Variants in RPL24 observed in about 807,000 individuals in gnomAD.
RPL24 encodes large ribosomal subunit protein eL24.
RPL24 carries 7 observed loss-of-function variants against 26.4 expected under a neutral mutation model. The observed-to-expected ratio is 0.27, with a 90% confidence interval of 0.15 to 0.50. The LOEUF (loss-of-function observed/expected upper bound fraction) is 0.50. Ranked by LOEUF, RPL24 falls within the 20% of genes least tolerant of loss-of-function variation. The pLI, the probability that RPL24 is intolerant of heterozygous loss-of-function variation, is 0.98. For missense variants in RPL24, 109 were observed against 194.9 expected (o/e 0.56, Z 2.62); for synonymous variants, 67 against 65.2 (o/e 1.03, Z -0.13).
intron 4 of RPL24, 37 bp downstream of exon 4, chr3:101,682,734 G>T: frequency 6.3e-7 from 1 of 1,599,046 alleles, no homozygotes; most frequent in Non-Finnish European, 8.5e-7. Flanking sequence ...AAATCCATCC[G>T]AATAGGTAAA....
rs973480658 is a variant in RPL24, at chr3:101,682,751, A to T, written c.329+20T>A. 2 of 1,609,492 alleles carry T rather than the reference A, an allele frequency of 1.2e-6. No homozygotes were observed. Among genetic ancestry groups the T allele is most frequent in the Non-Finnish European group, 1.7e-6 (2 of 1,178,010 alleles). ...ATCCATCCGAATAGGTAAAATGCTC[A>T]TAATGAAAGCATTCCTCACCTGATA... On this transcript the variant is annotated intron_variant, in intron 4 of 5. Coordinates refer to ENST00000394077, the MANE Select transcript of RPL24 (RefSeq NM_000986.4).
rs769575601 is a variant in RPL24 at position 101,686,500 on chromosome 3, G to A, written c.63C>T (p.Tyr21=). The part of the protein sequence containing the change: ...YKIYPGHGRR[Y]ARTDGKVFQF... ...TTTTTACCTTCCCGTCGGTCCTGGC[G>A]TAGCGCCTCCCGTGTCCGGGGTAGA... is the stretch of plus-strand genomic sequence containing the variant. The change falls in exon 2 of 6, where the codon TAC becomes TAT. Residue 21 remains tyrosine, a synonymous_variant. Transcript: ENST00000394077. 113 of 1,614,048 alleles carry A rather than the reference G, an allele frequency of 7.0e-5. No individual in the cohort carries two copies. The highest frequency in any genetic ancestry group is 9.2e-5 in the Non-Finnish European group (108 of 1,180,010).
chr3:101,684,776 C>CA lies in RPL24; in HGVS notation c.192+1041dup, dbSNP rs57278210. Among the ~76,000 whole-genome samples the CA allele has an allele frequency of 1.2e-3, 65 of 53,210 alleles. 12 individuals are homozygous for CA. Among genetic ancestry groups the CA allele is most frequent in the African/African-American group, 2.6e-3 (32 of 12,338 alleles). 34.9% of individuals were successfully genotyped at this position (53,210 alleles called of 152,430 possible). ...CTGAGCAACAGAGGACCTGTCTCCC[C>CA]AAAAAAAAAAAAAAAAAAAAAAAAA... is the stretch of plus-strand genomic sequence containing the variant. On this transcript the variant is annotated intron_variant, in intron 3 of 5. Transcript: ENST00000394077.
intron 4 of RPL24, 105 bp from the exon 5 acceptor site, chr3:101,682,597 C>T: frequency 1.8e-6 from 2 of 1,119,992 alleles, no homozygotes; most frequent in Non-Finnish European, 2.6e-6. Flanking sequence ...CATATTCCTT[C>T]CTTCCCTACC....
intron 3 of RPL24, among the ~76,000 whole-genome samples, chr3:101,684,936 C>T (rs993471059): frequency 6.6e-6 from 1 of 151,072 alleles, no homozygotes; most frequent in African/African-American, 2.4e-5. Context: ...CCTTGGCCTC[C>T]GGAGGAGCTA....
chr3:101,686,382 G>T, intron 2 of RPL24, 100 bp downstream of exon 2: 1 of 941,610 alleles, frequency 1.1e-6, no homozygotes, highest in African/African-American at 1.7e-5. Flanking sequence ...ACTTCCAGAG[G>T]CCAGTGGTGA....
chr3:101,683,058 T>A, intron 3 of RPL24, 151 bp from the exon 4 acceptor site: 1 of 752,424 alleles, frequency 1.3e-6, no homozygotes, highest in Non-Finnish European at 2.1e-6. Flanking sequence ...AAAACATGTT[T>A]TCCCTTATGG....
At position 101,686,697 on chromosome 3, in the gene RPL24, A is replaced by G. The variant is rs764442723; in HGVS notation, c.-21T>C. Reference sequence around the variant, plus strand: ...TTCATGGCGACAGCTCCACGGAAAGACAAAAGATGGCGAAAAGAAAGAGAG... The same window carrying G: ...TTCATGGCGACAGCTCCACGGAAAGGCAAAAGATGGCGAAAAGAAAGAGAG... On this transcript the variant is annotated 5_prime_UTR_variant, in exon 1 of 6. Coordinates refer to ENST00000394077, the MANE Select transcript of RPL24 (RefSeq NM_000986.4). 1.2e-6 allele frequency: 2 copies of G among 1,614,104 alleles called. No individual in the cohort carries two copies. The highest frequency in any genetic ancestry group is 1.1e-5 in the South Asian group (1 of 91,090).
intron 4 of RPL24, 82 bp from the exon 5 acceptor site, chr3:101,682,574 C>A (rs1455780189): frequency 8.1e-7 from 1 of 1,237,796 alleles, no homozygotes; most frequent in Non-Finnish European, 1.2e-6. Context: ...CTGTACTGGA[C>A]AAGTACAATG....
intron 1 of RPL24, 38 bp downstream of exon 1, chr3:101,686,634 A>C: frequency 1.9e-6 from 3 of 1,614,206 alleles, no homozygotes; most frequent in Non-Finnish European, 2.5e-6. Flanking sequence ...GTTCTGCCCG[A>C]GGATGTAAGC....
At chr3:101,684,251 C>T (rs972612373) in intron 3 of RPL24, among the ~76,000 whole-genome samples, 1 of 151,994 alleles carries the variant, frequency 6.6e-6, no homozygotes, top group Non-Finnish European at 1.5e-5. Flanking sequence ...TGCAACCCCC[C>T]ACTTCCTGGG....
intron 3 of RPL24, 82 bp from the exon 4 acceptor site, chr3:101,682,989 G>A (rs1576658279): frequency 1.6e-6 from 2 of 1,240,034 alleles, no homozygotes; most frequent in Admixed American, 2.4e-5. Flanking sequence ...TTTTAAGACA[G>A]GGCAAATGAA....
At chr3:101,685,075 C>A (rs933066707) in intron 3 of RPL24, among the ~76,000 whole-genome samples, 1 of 151,840 alleles carries the variant, frequency 6.6e-6, no homozygotes, top group Non-Finnish European at 1.5e-5. Context: ...TATGTTTACC[C>A]TTTTGAGAAA....
Position 101,686,526 on chromosome 3 carries a change from T to C in RPL24, c.37A>G (p.Ile13Val). 6.2e-7 allele frequency: 1 copy of C among 1,614,190 alleles called. No individual in the cohort carries two copies. The highest frequency in any genetic ancestry group is 8.5e-7 in the Non-Finnish European group (1 of 1,180,024). Residue 13 changes from isoleucine (I) to valine (V), a missense_variant, in exon 2 of 6, where the codon ATC (isoleucine) becomes GTC (valine). This residue lies in a region of RPL24 where 69 missense variants were observed against 96.2 expected (regional missense o/e 0.72). Transcript: ENST00000394077. ...VELCSFSGYK[I>V]YPGHGRRYAR... is the part of the protein sequence containing the mutation. ...TAGCGCCTCCCGTGTCCGGGGTAGA[T>C]CTTGTACCCGCTAAAACTGCACAGC...
At position 101,686,570 on chromosome 3, in the gene RPL24, G is replaced by A. The variant is rs1937346235; in HGVS notation, c.6-13C>T. ...GCACAGCTCGACCCTGCAACAAAAA[G>A]TGAAAGTCCATCAGGGAGGGTGTCT... On this transcript the variant is annotated splice_polypyrimidine_tract_variant and intron_variant, in intron 1 of 5. Transcript: ENST00000394077. 1 of 1,614,120 alleles carries A rather than the reference G, an allele frequency of 6.2e-7. No individual in the cohort carries two copies. Among genetic ancestry groups the A allele is most frequent in the African/African-American group, 1.3e-5 (1 of 74,950 alleles).
chr3:101,683,328 GAA>G (rs1471001442), intron 3 of RPL24, among the ~76,000 whole-genome samples: 1 of 152,224 alleles, frequency 6.6e-6, no homozygotes, highest in Non-Finnish European at 1.5e-5. Context: ...ATTTGTCTGA[GAA>G]GGTATTGTGG....
chr3:101,682,328 G>T, intron 5 of RPL24, 101 bp downstream of exon 5: 1 of 920,746 alleles, frequency 1.1e-6, no homozygotes, highest in Non-Finnish European at 1.8e-6. Context: ...ATCAGATCAC[G>T]CCACTGCACC....
chr3:101,681,450 A>G, intron 5 of RPL24: 1 of 508,486 alleles, frequency 2.0e-6, no homozygotes, highest in East Asian at 3.4e-5. Context: ...AACCAAGTGC[A>G]GTGTAGGATC....
chr3:101,683,953 C>G (rs1054897210), intron 3 of RPL24, among the ~76,000 whole-genome samples: 1 of 152,094 alleles, frequency 6.6e-6, no homozygotes, highest in African/African-American at 2.4e-5. Context: ...CTCAGGCAAT[C>G]TGTCCGCCTT....
Sources: gnomAD v4.1 joint callset for allele counts (sites outside exome capture counted in the v4.1 genomes callset) on GRCh38, gnomAD v4.1.1 for gene constraint, gnomAD v4.1.1 regional missense constraint, MANE v1.5 for transcripts, NCBI Gene and HGNC (gene_info 2026-07-23, HGNC 2026-07-21) for gene names.